THRB: variants seen among roughly 807,000 people sequenced by gnomAD.
The protein encoded by THRB is nuclear receptor subfamily 1 group A member 2.
Under a neutral mutation model 47.8 loss-of-function variants are expected in THRB, and 12 were observed. That is an observed-to-expected ratio of 0.25 (90% CI 0.16 to 0.41). The LOEUF is 0.41. Among genes scored for constraint, THRB ranks in the 10% least tolerant of loss-of-function variants. THRB has a pLI of 1.00. For synonymous variants in THRB, 218 were observed against 212.2 expected, an observed-to-expected ratio of 1.03 and a Z score of -0.24; for missense variants, 348 against 589.2, an observed-to-expected ratio of 0.59 and a Z score of 4.24.
chr3:24,490,635 C>G (rs1034181762), intron 1 of THRB, among the ~76,000 whole-genome samples: 5 of 152,124 alleles, frequency 3.3e-5, no homozygotes, highest in Non-Finnish European at 7.3e-5. Context: ...CCCAAAGCAT[C>G]AGGGGCCACA....
In THRB at chr3:24,214,302, C is replaced by A. The variant is rs148825170; in HGVS notation, c.22+14636G>T. 6.6e-5 allele frequency among the ~76,000 whole-genome samples: 10 copies of A among 152,180 alleles called. No homozygotes were observed. The East Asian group carries it at 1.5e-3, about 24-fold the overall frequency. Reference sequence around the variant, plus strand: ...ATGGTATGTACTTTGGTCTGAAGACCCATCATCCTCATTATGTGCCCCTTT... The same window carrying A: ...ATGGTATGTACTTTGGTCTGAAGACACATCATCCTCATTATGTGCCCCTTT... On this transcript the variant is annotated intron_variant, in intron 4 of 10. Coordinates refer to ENST00000646209, the MANE Select transcript of THRB (RefSeq NM_001354712.2).
intron 2 of THRB, among the ~76,000 whole-genome samples, chr3:24,326,907 G>C (rs1280492811): frequency 1.3e-5 from 2 of 151,770 alleles, no homozygotes; most frequent in African/African-American, 4.8e-5. Context: ...TGGGACTACA[G>C]GTGCGTGCCA....
chr3:24,286,428 C>T (rs571154043), intron 3 of THRB, among the ~76,000 whole-genome samples: 1 of 152,260 alleles, frequency 6.6e-6, no homozygotes, highest in African/African-American at 2.4e-5. Flanking sequence ...ATTTCTTCAC[C>T]GTTCAACCCT....
At chr3:24,167,183 G>C (rs1286363588) in intron 5 of THRB, among the ~76,000 whole-genome samples, 1 of 152,132 alleles carries the variant, frequency 6.6e-6, no homozygotes, top group Non-Finnish European at 1.5e-5. Flanking sequence ...AATTAGAAAA[G>C]AGACCCAGGC....
At chr3:24,164,008 C>T (rs545564783) in intron 5 of THRB, among the ~76,000 whole-genome samples, 10 of 152,062 alleles carry the variant, frequency 6.6e-5, no homozygotes, top group African/African-American at 2.4e-4. Flanking sequence ...AGAAATTTAC[C>T]TTTGAGGATC....
At chr3:24,278,959 C>G (rs1051410642) in intron 3 of THRB, among the ~76,000 whole-genome samples, 27 of 152,064 alleles carry the variant, frequency 1.8e-4, no homozygotes, top group African/African-American at 6.5e-4. Context: ...ATCCTTCCCC[C>G]TCAGCCTCCC....
chr3:24,141,093 C>A (rs2035382829), intron 8 of THRB, among the ~76,000 whole-genome samples: 1 of 152,162 alleles, frequency 6.6e-6, no homozygotes, highest in South Asian at 2.1e-4. Flanking sequence ...ATTTCTTGAG[C>A]AGATTAAAGA....
chr3:24,304,689 A>T (rs1010136995), intron 2 of THRB, among the ~76,000 whole-genome samples: 10 of 152,188 alleles, frequency 6.6e-5, no homozygotes, highest in Admixed American at 2.6e-4. Flanking sequence ...AGATGCTGAA[A>T]TATAGTGGAA....
chr3:24,151,972 A>C (rs2037019271), intron 6 of THRB, among the ~76,000 whole-genome samples: 1 of 152,246 alleles, frequency 6.6e-6, no homozygotes, highest in South Asian at 2.1e-4. Flanking sequence ...CTAACAGCAG[A>C]AAACAGCCTG....
intron 1 of THRB, among the ~76,000 whole-genome samples, chr3:24,459,804 G>T (rs1024113364): frequency 4.0e-5 from 6 of 151,868 alleles, no homozygotes; most frequent in Non-Finnish European, 7.4e-5. Context: ...CTTTTTGATG[G>T]TTTTTTTATT....
chr3:24,318,991 C>T (rs2058305571), intron 2 of THRB, among the ~76,000 whole-genome samples: 1 of 152,308 alleles, frequency 6.6e-6, no homozygotes, highest in African/African-American at 2.4e-5. Context: ...TGACATTCAA[C>T]GTTTATGACT....
intron 1 of THRB, chr3:24,431,207 A>T (rs1041411657): frequency 6.6e-6 from 1 of 151,864 alleles, no homozygotes; most frequent in South Asian, 2.1e-4. Flanking sequence ...AAAAATTGGG[A>T]GAACTTTGCA....
At chr3:24,204,954 AAAAGAGT>A (rs1469168090) in intron 4 of THRB, among the ~76,000 whole-genome samples, 2 of 152,218 alleles carry the variant, frequency 1.3e-5, no homozygotes, top group Non-Finnish European at 2.9e-5. Context: ...GTTTAGAGAA[AAAAGAGT>A]AAAAAGAAAC....
intron 2 of THRB, among the ~76,000 whole-genome samples, chr3:24,311,792 G>C (rs1162642419): frequency 1.3e-5 from 2 of 152,086 alleles, no homozygotes; most frequent in African/African-American, 4.8e-5. Flanking sequence ...CTTGCAAATG[G>C]CCTGCCAATT....
At chr3:24,151,813 C>G (rs534423500) in intron 6 of THRB, among the ~76,000 whole-genome samples, 1 of 152,174 alleles carries the variant, frequency 6.6e-6, no homozygotes, top group Non-Finnish European at 1.5e-5. Context: ...CTGTACAGCA[C>G]AAAATTAGCC....
In THRB at chr3:24,137,462, A is replaced by C. The variant is rs2084565; in HGVS notation, c.739-4000T>G. Reference sequence around the variant, plus strand: ...TGATAATACATGGGGAGGCAGGAGAAAGGAAGGTCAGCCAAGGCCCCTTTG... The same window carrying C: ...TGATAATACATGGGGAGGCAGGAGACAGGAAGGTCAGCCAAGGCCCCTTTG... On this transcript the variant is annotated intron_variant, in intron 8 of 10. Transcript: ENST00000646209. Among the ~76,000 whole-genome samples, 4 of 152,214 alleles carry C rather than the reference A, an allele frequency of 2.6e-5. No individual in the cohort carries two copies. The East Asian group carries it at 5.8e-4, about 22-fold the overall frequency.
intron 1 of THRB, among the ~76,000 whole-genome samples, chr3:24,493,205 G>T (rs1321124830): frequency 6.6e-6 from 1 of 152,176 alleles, no homozygotes; most frequent in Non-Finnish European, 1.5e-5. Flanking sequence ...TTGTTTCCTA[G>T]CCTCTGACTG....
At chr3:24,489,802 G>A (rs1470748743) in intron 1 of THRB, among the ~76,000 whole-genome samples, 5 of 152,110 alleles carry the variant, frequency 3.3e-5, no homozygotes, top group Non-Finnish European at 5.9e-5. Flanking sequence ...TATTACTTGT[G>A]ACTCAGTGAT....
chr3:24,426,581 C>A (rs111746600), intron 1 of THRB, among the ~76,000 whole-genome samples: 1 of 151,816 alleles, frequency 6.6e-6, no homozygotes, highest in Non-Finnish European at 1.5e-5. Flanking sequence ...ATAGTGTACC[C>A]GAGATGCTCT....
Sources: gnomAD v4.1 joint callset for allele counts (sites outside exome capture counted in the v4.1 genomes callset) on GRCh38, gnomAD v4.1.1 for gene constraint, MANE v1.5 for transcripts, NCBI Gene and HGNC (gene_info 2026-07-23, HGNC 2026-07-21) for gene names.